Variants in CHST11 observed in about 807,000 individuals in gnomAD.
CHST11 encodes the protein carbohydrate sulfotransferase 11, also known as C4S-1.
A neutral mutation model predicts 30.4 loss-of-function variants in CHST11; 9 were observed. The ratio of observed to expected loss-of-function variants is 0.30; its 90% CI spans 0.18 to 0.52. CHST11 has a LOEUF of 0.52. CHST11 is among the 20% of genes least tolerant of loss of function. CHST11 has a pLI of 0.97. For missense variants in CHST11, 348 were observed against 460.6 expected (o/e 0.76, Z 2.24); for synonymous variants, 152 against 187.8 (o/e 0.81, Z 1.56).
intron 1 of CHST11, among the ~76,000 whole-genome samples, chr12:104,460,439 G>GAAT (rs2037396841): frequency 6.6e-6 from 1 of 152,108 alleles, no homozygotes; most frequent in African/African-American, 2.4e-5. Context: ...TGAGGCGGGT[G>GAAT]CATCACTTGA....
At chr12:104,723,723 T>A (rs912912631) in intron 2 of CHST11, among the ~76,000 whole-genome samples, 3 of 152,206 alleles carry the variant, frequency 2.0e-5, no homozygotes, top group Non-Finnish European at 4.4e-5. Context: ...TGACCCTAAG[T>A]GGCCCTCCCT....
At chr12:104,602,575 T>C (rs1023239988) in intron 2 of CHST11, among the ~76,000 whole-genome samples, 1 of 152,178 alleles carries the variant, frequency 6.6e-6, no homozygotes, top group Non-Finnish European at 1.5e-5. Flanking sequence ...CAAGGAAAAG[T>C]GTCTTCTGTG....
At chr12:104,744,132 T>A (rs148019544) in intron 2 of CHST11, among the ~76,000 whole-genome samples, 7 of 152,330 alleles carry the variant, frequency 4.6e-5, no homozygotes, top group Non-Finnish European at 1.0e-4. Context: ...GTAATGGGAT[T>A]GCTGAGTCAA....
In CHST11 at chr12:104,676,234, T is replaced by A. The variant is rs2039741593; in HGVS notation, c.204+74243T>A. On this transcript the variant is annotated intron_variant, in intron 2 of 2. Coordinates refer to ENST00000303694, the MANE Select transcript of CHST11 (RefSeq NM_018413.6). This position sits in a 1 kb window ranked among gnomAD's most constrained non-coding sequence, Gnocchi z 4.4. Reference sequence around the variant, plus strand: ...ATTTTACTGTTCTGGAGGTCAGGAGTCTGAAATGGGTCTCCTGGGGCAAGA... The same window carrying A: ...ATTTTACTGTTCTGGAGGTCAGGAGACTGAAATGGGTCTCCTGGGGCAAGA... 6.6e-6 allele frequency among the ~76,000 whole-genome samples: 1 copy of A among 151,800 alleles called. No individual in the cohort carries two copies. The highest frequency in any genetic ancestry group is 2.1e-4 in the South Asian group (1 of 4,808).
At chr12:104,572,378 G>T (rs1258443634) in intron 1 of CHST11, among the ~76,000 whole-genome samples, 2 of 151,132 alleles carry the variant, frequency 1.3e-5, no homozygotes, top group African/African-American at 4.9e-5. Flanking sequence ...ATTAAGTATT[G>T]CCTCAATTTC....
chr12:104,718,409 G>A (rs1020398990), intron 2 of CHST11, among the ~76,000 whole-genome samples: 6 of 152,158 alleles, frequency 3.9e-5, no homozygotes, highest in Non-Finnish European at 5.9e-5. Context: ...ACGGAATTTC[G>A]TTTGAATCCC....
chr12:104,503,786 G>A (rs990560743), intron 1 of CHST11, among the ~76,000 whole-genome samples: 1 of 152,130 alleles, frequency 6.6e-6, no homozygotes. Context: ...GTACCCGTTC[G>A]CTTTCTCTGT....
At chr12:104,698,371 T>C (rs2039964872) in intron 2 of CHST11, among the ~76,000 whole-genome samples, 1 of 152,176 alleles carries the variant, frequency 6.6e-6, no homozygotes, top group South Asian at 2.1e-4. Flanking sequence ...TGAAACACTT[T>C]CCTGTCACCT....
chr12:104,725,515 ATTT>A (rs201640286), intron 2 of CHST11, among the ~76,000 whole-genome samples: 1 of 143,646 alleles, frequency 7.0e-6, no homozygotes, highest in African/African-American at 2.6e-5. Flanking sequence ...AAAGCTGTTA[ATTT>A]TTTTTTTTTT....
chr12:104,683,932 A>G (rs1337010255), intron 2 of CHST11, among the ~76,000 whole-genome samples: 1 of 152,196 alleles, frequency 6.6e-6, no homozygotes, highest in Non-Finnish European at 1.5e-5. Flanking sequence ...AACCTAAGCT[A>G]GAGAGGCCTG....
chr12:104,487,728 A>ATT (rs11442051), intron 1 of CHST11, among the ~76,000 whole-genome samples: 1,650 of 147,530 alleles, frequency 0.011, 30 homozygotes, highest in African/African-American at 0.038. Context: ...GTATGTACCT[A>ATT]TTTTTTTTTT....
chr12:104,706,807 CA>C (rs2040039776), intron 2 of CHST11, among the ~76,000 whole-genome samples: 1 of 152,048 alleles, frequency 6.6e-6, no homozygotes, highest in African/African-American at 2.4e-5. Flanking sequence ...TTTAATGTCC[CA>C]GGGGGAAAAA....
At chr12:104,713,496 G>T (rs1466268417) in intron 2 of CHST11, among the ~76,000 whole-genome samples, 1 of 152,026 alleles carries the variant, frequency 6.6e-6, no homozygotes, top group African/African-American at 2.4e-5. Flanking sequence ...CAAATGTAAA[G>T]AAATTTTTCA....
chr12:104,604,703 A>G (rs774943500), intron 2 of CHST11, among the ~76,000 whole-genome samples: 16 of 152,200 alleles, frequency 1.1e-4, no homozygotes, highest in Non-Finnish European at 1.5e-5. Context: ...GAGGCAGATG[A>G]CAAACCCTCT....
intron 2 of CHST11, among the ~76,000 whole-genome samples, chr12:104,688,996 T>G (rs1328176950): frequency 6.6e-6 from 1 of 152,210 alleles, no homozygotes; most frequent in African/African-American, 2.4e-5. Context: ...TAAATAAAAA[T>G]AGTAGACTTT....
intron 1 of CHST11, among the ~76,000 whole-genome samples, chr12:104,509,894 A>C (rs972355480): frequency 6.6e-6 from 1 of 152,234 alleles, no homozygotes; most frequent in Non-Finnish European, 1.5e-5. Flanking sequence ...ACTGATGTGA[A>C]TAGCTTAGAG....
At chr12:104,731,254 G>A (rs951402677) in intron 2 of CHST11, among the ~76,000 whole-genome samples, 14 of 152,238 alleles carry the variant, frequency 9.2e-5, no homozygotes, top group African/African-American at 2.6e-4. Context: ...GGCTGCCCCC[G>A]CCCTGGAAAA....
intron 1 of CHST11, among the ~76,000 whole-genome samples, chr12:104,548,983 T>A (rs11613208): frequency 6.6e-6 from 1 of 152,046 alleles, no homozygotes; most frequent in African/African-American, 2.4e-5. Context: ...CCACTCCAAA[T>A]ATCATAAATT....
At chr12:104,544,180 A>AAGAAAGAAAGAAAGACAGAC (rs1182750741) in intron 1 of CHST11, among the ~76,000 whole-genome samples, 1 of 148,560 alleles carries the variant, frequency 6.7e-6, no homozygotes, top group African/African-American at 2.5e-5. Flanking sequence ...GAAAGAAAGA[A>AAGAAAGAAAGAAAGACAGAC]AGACCTGAAA....
Sources: gnomAD v4.1 joint callset for allele counts (sites outside exome capture counted in the v4.1 genomes callset) on GRCh38, gnomAD v4.1.1 for gene constraint, Gnocchi (gnomAD v3.1) non-coding constraint, MANE v1.5 for transcripts, NCBI Gene and HGNC (gene_info 2026-07-23, HGNC 2026-07-21) for gene names.